The following PGM1 variants were observed in gnomAD, a reference collection of about 807,000 sequenced individuals.
PGM1 encodes the protein phosphoglucomutase-1.
In PGM1, 52 loss-of-function variants were observed where a neutral mutation model predicts 55.6. The observed-to-expected ratio is 0.94, with a 90% CI of 0.75 to 1.18. The LOEUF (loss-of-function observed/expected upper bound fraction) is 1.18, where lower values mean the gene tolerates loss of function less well. Among genes scored for constraint, PGM1 ranks in the 50% most tolerant of loss-of-function variants. The pLI, the probability that PGM1 is intolerant of heterozygous loss-of-function variation, is 0.00. For missense variants in PGM1, 724 were observed against 729.3 expected (o/e 0.99, Z 0.08); for synonymous variants, 287 against 271.7 (o/e 1.06, Z -0.55).
At position 63,593,501 on chromosome 1, in the gene PGM1, G is replaced by A; in HGVS notation, c.13G>A (p.Val5Met). Reference sequence around the variant, plus strand: ...GCAAGTCGCCACCATGGTGAAGATCGTGACAGTTAAGACCCAGGCGTACCA... The same window carrying A: ...GCAAGTCGCCACCATGGTGAAGATCATGACAGTTAAGACCCAGGCGTACCA... MVKI[V>M]TVKTQAYQDQ... Residue 5 changes from valine to methionine, a missense_variant, in exon 1 of 11, where the codon GTG becomes ATG. Around this residue, in one of 3 missense-constraint regions of PGM1, gnomAD observed 379 missense variants for 357.5 expected, o/e 1.06. Transcript: ENST00000371084. The A allele has an allele frequency of 1.2e-6, 2 of 1,613,744 alleles. No individual in the cohort carries two copies. Among genetic ancestry groups the A allele is most frequent in the Non-Finnish European group, 1.7e-6 (2 of 1,179,896 alleles).
At chr1:63,594,121 G>T (rs764006939) in intron 1 of PGM1, 8 of 1,006,468 alleles carry the variant, frequency 7.9e-6, no homozygotes, top group Non-Finnish European at 9.5e-6. Context: ...ACGGCGCAGA[G>T]TGCTGTCGCC....
rs888567436 is a variant in PGM1, at chr1:63,593,468, C to G, written c.-21C>G. Reference sequence around the variant, plus strand: ...CGCCAGCCAAGTCCGCCGCTCTGACCCCCGGCAGCAAGTCGCCACCATGGT... The same window carrying G: ...CGCCAGCCAAGTCCGCCGCTCTGACGCCCGGCAGCAAGTCGCCACCATGGT... On this transcript the variant is annotated 5_prime_UTR_variant, in exon 1 of 11. Transcript: ENST00000371084. 6.2e-6 allele frequency: 10 copies of G among 1,613,284 alleles called. No homozygotes were observed. In the African/African-American group the frequency reaches 1.3e-4, roughly 22 times the overall value.
At chr1:63,632,402 C>CTT in intron 4 of PGM1, among the ~76,000 whole-genome samples, 1 of 152,270 alleles carries the variant, frequency 6.6e-6, no homozygotes, top group Middle Eastern at 3.4e-3. Context: ...GTTGGAGAAG[C>CTT]CTTTCTGCCT....
chr1:63,610,073 A>G (rs1368034764), intron 1 of PGM1, among the ~76,000 whole-genome samples: 1 of 152,248 alleles, frequency 6.6e-6, no homozygotes, highest in Non-Finnish European at 1.5e-5. Flanking sequence ...TAATTGTACA[A>G]TATCATGTAT....
intron 4 of PGM1, among the ~76,000 whole-genome samples, chr1:63,633,537 G>A (rs2100985533): frequency 6.6e-6 from 1 of 152,248 alleles, no homozygotes; most frequent in African/African-American, 2.4e-5. Context: ...ACTGTATTGG[G>A]ATTAGTACCA....
intron 9 of PGM1, among the ~76,000 whole-genome samples, chr1:63,652,964 G>T (rs1164876373): frequency 6.6e-6 from 1 of 152,142 alleles, no homozygotes; most frequent in East Asian, 1.9e-4. Flanking sequence ...GTGTAGAAAA[G>T]GAGTGGAGCT....
Position 63,627,056 on chromosome 1 carries a change from C to G in PGM1, c.247-2369C>G, listed in dbSNP as rs554994395. On this transcript the variant is annotated intron_variant, in intron 1 of 10. Coordinates refer to ENST00000371084, the MANE Select transcript of PGM1 (RefSeq NM_002633.3). ...CCATCTTGTGGCATATGGCAGGACC[C>G]CCCCCCCCCCACACACACACACACT... Among the ~76,000 whole-genome samples, 226 of 100,104 alleles carry G rather than the reference C, an allele frequency of 2.3e-3. 4 individuals carry two copies. Among genetic ancestry groups the G allele is most frequent in the African/African-American group, 7.7e-3 (199 of 25,978 alleles). The allele number at this position is 100,104 out of a possible 152,430, so 65.7% of individuals were successfully genotyped here.
At chr1:63,625,344 T>C (rs1648989664) in intron 1 of PGM1, among the ~76,000 whole-genome samples, 1 of 152,244 alleles carries the variant, frequency 6.6e-6, no homozygotes. Flanking sequence ...TTTCAAGTCT[T>C]TTCAAGGTAA....
intron 1 of PGM1, among the ~76,000 whole-genome samples, chr1:63,617,250 C>T (rs531202067): frequency 6.6e-6 from 1 of 152,282 alleles, no homozygotes; most frequent in African/African-American, 2.4e-5. Flanking sequence ...GCAGGTGAGG[C>T]CTGGCTCACA....
At chr1:63,627,925 C>G (rs562893536) in intron 1 of PGM1, among the ~76,000 whole-genome samples, 57 of 150,172 alleles carry the variant, frequency 3.8e-4, no homozygotes, top group African/African-American at 1.4e-3. Flanking sequence ...TCAATACTTT[C>G]CCCCACCATG....
At chr1:63,659,085 G>A (rs1188989030) in intron 10 of PGM1, among the ~76,000 whole-genome samples, 3 of 152,154 alleles carry the variant, frequency 2.0e-5, no homozygotes, top group Admixed American at 1.3e-4. Context: ...CAACACTTGG[G>A]AATTATGGGA....
chr1:63,654,193 G>A, intron 9 of PGM1, 139 bp from the exon 10 acceptor site: 2 of 851,668 alleles, frequency 2.3e-6, no homozygotes, highest in East Asian at 5.2e-5. Context: ...ACAAGGTGCA[G>A]CTGCTGCCAT....
intron 1 of PGM1, among the ~76,000 whole-genome samples, chr1:63,612,740 C>T (rs1057342100): frequency 2.0e-5 from 3 of 152,164 alleles, no homozygotes; most frequent in African/African-American, 4.8e-5. Flanking sequence ...TAGTTCTGTT[C>T]GTAATTGTTG....
intron 1 of PGM1, among the ~76,000 whole-genome samples, chr1:63,610,796 A>G (rs984055737): frequency 3.9e-5 from 6 of 152,188 alleles, no homozygotes; most frequent in Admixed American, 6.5e-5. Context: ...ACTGTTCTGT[A>G]TAACTTTAGG....
At chr1:63,655,320 C>T (rs1035980454) in intron 10 of PGM1, among the ~76,000 whole-genome samples, 21 of 152,298 alleles carry the variant, frequency 1.4e-4, no homozygotes, top group African/African-American at 5.1e-4. Flanking sequence ...ATCTGGTGTT[C>T]TGCTCTGTCT....
intron 2 of PGM1, 130 bp from the exon 3 acceptor site, chr1:63,629,809 AAAT>A: frequency 8.6e-7 from 1 of 1,156,144 alleles, no homozygotes; most frequent in African/African-American, 1.5e-5. Context: ...TCTTTTAGAA[AAAT>A]CCTGCTACTT....
chr1:63,630,363 C>T (rs1343323156), intron 3 of PGM1, among the ~76,000 whole-genome samples: 8 of 152,144 alleles, frequency 5.3e-5, no homozygotes, highest in Non-Finnish European at 1.2e-4. Flanking sequence ...AGAAGACCTG[C>T]AGGATTACAT....
chr1:63,636,244 T>C lies in PGM1; in HGVS notation c.884T>C (p.Met295Thr), dbSNP rs1435074947. The change falls in exon 6 of 11, where the codon ATG (methionine) becomes ACG (threonine). Residue 295 changes from methionine to threonine, a missense_variant. By Grantham distance (81) the Met-to-Thr change is moderately conservative. Coordinates refer to ENST00000371084, the MANE Select transcript of PGM1 (RefSeq NM_002633.3). ...TCTCTTCTCCCCAAGGATCGAAACA[T>C]GATTCTGGGCAAGCATGGGTTCTTT... ...AAFDGDGDRN[M>T]ILGKHGFFVN... 1 of 1,614,026 alleles carries C rather than the reference T, an allele frequency of 6.2e-7. No homozygotes were observed. The highest frequency in any genetic ancestry group is 8.5e-7 in the Non-Finnish European group (1 of 1,179,976).
At chr1:63,608,270 C>T (rs1369188974) in intron 1 of PGM1, among the ~76,000 whole-genome samples, 1 of 152,210 alleles carries the variant, frequency 6.6e-6, no homozygotes, top group Non-Finnish European at 1.5e-5. Context: ...TGCAGCCTAC[C>T]GCAGTGGCCT....
Sources: allele counts gnomAD v4.1 joint callset (sites outside exome capture counted in the v4.1 genomes callset), GRCh38; gene constraint gnomAD v4.1.1; regional missense constraint gnomAD v4.1.1; transcripts MANE v1.5; gene names NCBI Gene and HGNC (gene_info 2026-07-23, HGNC 2026-07-21).